Variants in SLC24A3 observed in about 807,000 individuals in gnomAD.
The protein encoded by SLC24A3 is sodium/potassium/calcium exchanger 3.
SLC24A3 carries 28 observed loss-of-function variants against 75.8 expected under a neutral mutation model. That is an observed-to-expected ratio of 0.37 (90% CI 0.27 to 0.51). The LOEUF (loss-of-function observed/expected upper bound fraction) is 0.51. Among genes scored for constraint, SLC24A3 ranks in the 20% least tolerant of loss-of-function variants. The pLI is 0.94. For missense variants in SLC24A3, 663 were observed against 847.8 expected (o/e 0.78, Z 2.71); for synonymous variants, 372 against 334.1 (o/e 1.11, Z -1.24).
intron 2 of SLC24A3, among the ~76,000 whole-genome samples, chr20:19,450,123 G>C (rs1039807225): frequency 6.6e-6 from 1 of 152,132 alleles, no homozygotes; most frequent in African/African-American, 2.4e-5. Context: ...CAGAGGAGTT[G>C]GGTCTCTACA....
At chr20:19,270,129 A>ACAGCC (rs1983282443) in intron 1 of SLC24A3, among the ~76,000 whole-genome samples, 1 of 152,270 alleles carries the variant, frequency 6.6e-6, no homozygotes, top group East Asian at 1.9e-4. Flanking sequence ...TTTCTGAAAC[A>ACAGCC]CAGCCCAGTT....
Position 19,515,495 on chromosome 20 carries a change from T to C in SLC24A3, c.279T>C (p.His93=). The change falls in exon 3 of 17, where the codon CAT becomes CAC. Residue 93 remains histidine, a synonymous_variant. Transcript: ENST00000328041. ...TCTTTCTCTGTTCTTTAGCCCTGCATGAATTCCCCAATGACATCTTCACAA... is the reference window on the plus strand; with the variant it reads ...TCTTTCTCTGTTCTTTAGCCCTGCACGAATTCCCCAATGACATCTTCACAA... ...NSKNCTEPAL[H]EFPNDIFTNE... is the part of the protein sequence containing the mutation. The C allele has an allele frequency of 1.2e-6, 2 of 1,614,174 alleles. No homozygotes were observed. Among genetic ancestry groups the C allele is most frequent in the African/African-American group, 1.3e-5 (1 of 75,068 alleles).
chr20:19,344,040 A>G (rs1407489257), intron 2 of SLC24A3, among the ~76,000 whole-genome samples: 1 of 152,228 alleles, frequency 6.6e-6, no homozygotes, highest in Non-Finnish European at 1.5e-5. Flanking sequence ...AGAAAGAACC[A>G]TGGTGGACTT....
At chr20:19,375,763 C>G (rs372966643) in intron 2 of SLC24A3, among the ~76,000 whole-genome samples, 1,976 of 108,164 alleles carry the variant, frequency 0.018, 35 homozygotes, top group African/African-American at 0.098. Flanking sequence ...GCTGAGGTGA[C>G]CTCCCAGGCA....
At chr20:19,544,294 C>T (rs2030551112) in intron 3 of SLC24A3, among the ~76,000 whole-genome samples, 1 of 152,102 alleles carries the variant, frequency 6.6e-6, no homozygotes, top group Non-Finnish European at 1.5e-5. Context: ...CTGAGAGGTG[C>T]CCAGTGTGCA....
At chr20:19,457,745 T>A (rs1369259930) in intron 2 of SLC24A3, among the ~76,000 whole-genome samples, 1 of 152,182 alleles carries the variant, frequency 6.6e-6, no homozygotes, top group Non-Finnish European at 1.5e-5. Flanking sequence ...ATTCCCTGGA[T>A]CTGTGGTTCT....
At chr20:19,265,471 A>T (rs904912675) in intron 1 of SLC24A3, among the ~76,000 whole-genome samples, 14 of 152,146 alleles carry the variant, frequency 9.2e-5, no homozygotes, top group African/African-American at 3.4e-4. Flanking sequence ...GCTGGGGAAG[A>T]GCGTTACTGG....
chr20:19,708,525 G>A (rs2032953416), intron 15 of SLC24A3, among the ~76,000 whole-genome samples: 1 of 152,184 alleles, frequency 6.6e-6, no homozygotes, highest in South Asian at 2.1e-4. Context: ...GGGACAGTAG[G>A]GTGCTGGAGC....
intron 2 of SLC24A3, among the ~76,000 whole-genome samples, chr20:19,463,825 T>C (rs1377687729): frequency 6.6e-6 from 1 of 152,180 alleles, no homozygotes; most frequent in Non-Finnish European, 1.5e-5. Context: ...CTGAGGCCTC[T>C]TGGGAAGGGT....
chr20:19,585,030 C>G lies in SLC24A3; in HGVS notation c.483C>G (p.Ala161=). 6.2e-7 allele frequency: 1 copy of G among 1,613,894 alleles called. No homozygotes were observed. The highest frequency in any genetic ancestry group is 2.2e-5 in the East Asian group (1 of 44,860). Residue 161 remains alanine, a synonymous_variant, in exon 5 of 17, where the codon GCC becomes GCG. Transcript: ENST00000328041. ...CATTCATGGCAGCGGGAAGTTCGGC[C>G]CCAGAGCTGTTCACATCGGTCATAG... The part of the protein sequence containing the change: ...GATFMAAGSS[A]PELFTSVIGV...
At chr20:19,626,035 T>A (rs975501181) in intron 6 of SLC24A3, among the ~76,000 whole-genome samples, 2 of 152,184 alleles carry the variant, frequency 1.3e-5, no homozygotes, top group Non-Finnish European at 2.9e-5. Flanking sequence ...CCCACCTGAC[T>A]ATGGCTTTAT....
intron 3 of SLC24A3, among the ~76,000 whole-genome samples, chr20:19,536,883 G>A (rs2030408546): frequency 6.6e-6 from 1 of 152,116 alleles, no homozygotes; most frequent in South Asian, 2.1e-4. Context: ...ATTCAAGATG[G>A]ATTAAAGACT....
chr20:19,350,031 G>T (rs541607803), intron 2 of SLC24A3, among the ~76,000 whole-genome samples: 60 of 152,246 alleles, frequency 3.9e-4, no homozygotes, highest in Non-Finnish European at 6.9e-4. Flanking sequence ...TCGAGAGCAC[G>T]GGCACCGTTG....
intron 9 of SLC24A3, among the ~76,000 whole-genome samples, chr20:19,677,959 C>T (rs2032547362): frequency 6.6e-6 from 1 of 151,392 alleles, no homozygotes; most frequent in Non-Finnish European, 1.5e-5. Flanking sequence ...ACATCTTGCA[C>T]CGCCCTTAAT....
intron 2 of SLC24A3, among the ~76,000 whole-genome samples, chr20:19,396,909 C>T (rs1239572375): frequency 2.0e-5 from 3 of 152,190 alleles, no homozygotes; most frequent in Admixed American, 1.3e-4. Context: ...GCATTTTCAT[C>T]TCAGTCAACA....
chr20:19,335,638 AGTCC>A (rs2122299241), intron 2 of SLC24A3, among the ~76,000 whole-genome samples: 1 of 152,300 alleles, frequency 6.6e-6, no homozygotes, highest in Admixed American at 6.5e-5. Flanking sequence ...AATTTTGCCT[AGTCC>A]TTTCCAGATT....
chr20:19,314,281 ATTTTATTTTAT>A lies in SLC24A3; in HGVS notation c.271+33198_271+33208del, dbSNP rs1454503970. Among the ~76,000 whole-genome samples the A allele has an allele frequency of 9.5e-5, 10 of 105,034 alleles. No individual in the cohort carries two copies. The Admixed American group carries it at 1.3e-3, about 13-fold the overall frequency. The allele number at this position is 105,034 out of a possible 152,430, so 68.9% of individuals were successfully genotyped here. A position where few individuals can be genotyped will look rare whatever the true frequency, so the allele number is the denominator to read the frequency against. ...CCTCTTTTTTTGTTTTTATTTATTT[ATTTTATTTTAT>A]TTTATTTTATTTTATTTTATTTTAT... is the stretch of plus-strand genomic sequence containing the variant. On this transcript the variant is annotated intron_variant, in intron 2 of 16. Transcript: ENST00000328041.
At chr20:19,377,726 T>A (rs1201479282) in intron 2 of SLC24A3, among the ~76,000 whole-genome samples, 1 of 152,230 alleles carries the variant, frequency 6.6e-6, no homozygotes, top group Admixed American at 6.5e-5. Flanking sequence ...CCCTGGTCAG[T>A]CAGTTCATTT....
chr20:19,568,324 A>T (rs2030995213), intron 3 of SLC24A3, among the ~76,000 whole-genome samples: 2 of 152,204 alleles, frequency 1.3e-5, no homozygotes, highest in African/African-American at 4.8e-5. Flanking sequence ...CTCAAAGAAT[A>T]TTGCATCATT....
Sources: allele counts gnomAD v4.1 joint callset (sites outside exome capture counted in the v4.1 genomes callset), GRCh38; gene constraint gnomAD v4.1.1; transcripts MANE v1.5; gene names NCBI Gene and HGNC (gene_info 2026-07-23, HGNC 2026-07-21).